The following SYT16 variants were observed in gnomAD, a reference collection of about 807,000 sequenced individuals.
SYT16 encodes the protein synaptotagmin 16, also known as synaptotagmin-16.
In SYT16, 42 loss-of-function variants were observed where a neutral mutation model predicts 61.4. The ratio of observed to expected loss-of-function variants is 0.68; its 90% CI spans 0.53 to 0.89. SYT16 has a LOEUF of 0.89. Among genes scored for constraint, SYT16 ranks in the 40% least tolerant of loss-of-function variants. SYT16 has a pLI of 0.00. For synonymous variants in SYT16, 314 were observed against 302.3 expected, an observed-to-expected ratio of 1.04 and a Z score of -0.40; for missense variants, 804 against 807.3, an observed-to-expected ratio of 1.00 and a Z score of 0.05.
intron 3 of SYT16, among the ~76,000 whole-genome samples, chr14:62,040,635 T>C (rs1308972250): frequency 2.0e-5 from 3 of 152,216 alleles, no homozygotes; most frequent in Admixed American, 6.5e-5. Context: ...TTAAGAAATA[T>C]TGTTTCACAG....
At chr14:61,947,462 G>A (rs1015479335) in intron 1 of SYT16, among the ~76,000 whole-genome samples, 1 of 152,150 alleles carries the variant, frequency 6.6e-6, no homozygotes, top group African/African-American at 2.4e-5. Context: ...GAGCAGCAGA[G>A]CCATGTGCTT....
intron 1 of SYT16, among the ~76,000 whole-genome samples, chr14:61,847,890 A>G (rs1229160845): frequency 6.6e-6 from 1 of 152,172 alleles, no homozygotes; most frequent in Non-Finnish European, 1.5e-5. Flanking sequence ...CAACTCCAGA[A>G]TTTCTGCTTG....
At chr14:62,044,025 T>C (rs2140860095) in intron 3 of SYT16, among the ~76,000 whole-genome samples, 1 of 152,180 alleles carries the variant, frequency 6.6e-6, no homozygotes, top group South Asian at 2.1e-4. Flanking sequence ...ATAACATAGA[T>C]TTGAATTGCA....
At chr14:62,047,479 C>T (rs2055047203) in intron 3 of SYT16, among the ~76,000 whole-genome samples, 1 of 152,176 alleles carries the variant, frequency 6.6e-6, no homozygotes. Context: ...CTTCTCCTGC[C>T]TGATTGCCCT....
At chr14:61,813,989 T>G (rs1001382085) in intron 1 of SYT16, among the ~76,000 whole-genome samples, 3 of 152,168 alleles carry the variant, frequency 2.0e-5, no homozygotes, top group Non-Finnish European at 4.4e-5. Flanking sequence ...CTCTCTAGAA[T>G]TCCCTAGCAG....
rs376295336 is a variant in SYT16, at chr14:61,996,437, A to G, written c.418A>G (p.Ile140Val). ...CAAGTTACCACATGTGCTTTCTTCT[A>G]TTGCGGAGGAAGAGCATCACCTTGA... ...DRKLPHVLSS[I>V]AEEEHHLEKQ... is the part of the protein sequence containing the mutation. Residue 140 changes from isoleucine (I) to valine (V), a missense_variant, in exon 3 of 8, where the codon ATT (isoleucine) becomes GTT (valine). Ile to Val is a conservative substitution (Grantham distance 29). Transcript: ENST00000683842. 19 of 1,613,314 alleles carry G rather than the reference A, an allele frequency of 1.2e-5. No homozygotes were observed. In the East Asian group the frequency reaches 4.2e-4, roughly 36 times the overall value.
chr14:61,960,032 A>G (rs56408247), intron 1 of SYT16, among the ~76,000 whole-genome samples: 25,059 of 152,086 alleles, frequency 0.16, 2,484 homozygotes, highest in South Asian at 0.3. Flanking sequence ...GGGTCTCTCC[A>G]TGTTGCTCAG....
rs2057509186 is a variant in SYT16 at position 62,106,155 on chromosome 14, C to T, written c.*5448C>T. 2 of 152,288 alleles carry T rather than the reference C, an allele frequency of 1.3e-5. No individual in the cohort carries two copies. The highest frequency in any genetic ancestry group is 4.1e-4 in the South Asian group (2 of 4,826). The allele number at this position is 152,288 out of a possible 1,614,324, so 9.4% of individuals were successfully genotyped here. On this transcript the variant is annotated 3_prime_UTR_variant, in exon 8 of 8. Coordinates refer to ENST00000683842, the MANE Select transcript of SYT16 (RefSeq NM_001367656.1). The stretch of plus-strand genomic sequence containing the variant: ...CATTAATTCAAAATGTATTCATTGT[C>T]TAGTACTATGCTATCTGGGCTGGCA...
At chr14:61,940,575 G>GATA (rs1226051986) in intron 1 of SYT16, among the ~76,000 whole-genome samples, 1 of 152,164 alleles carries the variant, frequency 6.6e-6, no homozygotes. Context: ...TCTGTTAAGT[G>GATA]ATAATAATAA....
intron 1 of SYT16, among the ~76,000 whole-genome samples, chr14:61,881,223 T>C (rs2140319178): frequency 6.6e-6 from 1 of 152,356 alleles, no homozygotes; most frequent in African/African-American, 2.4e-5. Context: ...CAAATGTGCT[T>C]TGCAGTCTTC....
chr14:61,975,482 A>G (rs1429453526), intron 2 of SYT16, among the ~76,000 whole-genome samples: 1 of 152,218 alleles, frequency 6.6e-6, no homozygotes, highest in African/African-American at 2.4e-5. Flanking sequence ...TAGAGGTCTC[A>G]GCAAACTTAA....
intron 5 of SYT16, 25 bp downstream of exon 5, chr14:62,075,416 T>C (rs888008666): frequency 1.3e-5 from 20 of 1,580,608 alleles, no homozygotes; most frequent in Admixed American, 1.2e-4. Flanking sequence ...TTTCATTCTT[T>C]CATTGGTTCC....
chr14:61,919,151 A>T (rs1425693366), intron 1 of SYT16, among the ~76,000 whole-genome samples: 3 of 152,170 alleles, frequency 2.0e-5, no homozygotes, highest in Admixed American at 6.5e-5. Flanking sequence ...TAGACCTGAT[A>T]AAAATGTGAT....
intron 1 of SYT16, among the ~76,000 whole-genome samples, chr14:61,900,399 C>T (rs1159518782): frequency 6.6e-6 from 1 of 152,154 alleles, no homozygotes; most frequent in Non-Finnish European, 1.5e-5. Flanking sequence ...CTCAGGTGAT[C>T]CACCCACCTC....
intron 1 of SYT16, among the ~76,000 whole-genome samples, chr14:61,930,929 G>T (rs1023414542): frequency 2.6e-5 from 4 of 152,106 alleles, no homozygotes; most frequent in Admixed American, 2.6e-4. Flanking sequence ...ATGGAATGCC[G>T]CCCTCCTCAC....
At chr14:62,084,043 G>T (rs1429349748) in intron 6 of SYT16, among the ~76,000 whole-genome samples, 153 bp from the exon 7 acceptor site, 1 of 152,202 alleles carries the variant, frequency 6.6e-6, no homozygotes, top group East Asian at 1.9e-4. Context: ...TGTGCTCCCT[G>T]GGCCCATTGT....
chr14:62,104,746 ACT>A lies in SYT16; in HGVS notation c.*4042_*4043del, dbSNP rs894677038. On this transcript the variant is annotated 3_prime_UTR_variant, in exon 8 of 8. Transcript: ENST00000683842. ...TGATCCTGGCCTGGGTTTACATGAA[ACT>A]CTGCTGTGTGGCCTTAAGAAAATTA... is the stretch of plus-strand genomic sequence containing the variant. 6.6e-6 allele frequency: 1 copy of A among 152,064 alleles called. No homozygotes were observed. Among genetic ancestry groups the A allele is most frequent in the African/African-American group, 2.4e-5 (1 of 41,396 alleles). The allele number at this position is 152,064 out of a possible 1,614,324, so 9.4% of individuals were successfully genotyped here.
chr14:62,018,329 G>T (rs1161774611), intron 3 of SYT16, among the ~76,000 whole-genome samples: 3 of 44,480 alleles, frequency 6.7e-5, no homozygotes, highest in Non-Finnish European at 9.4e-5. Flanking sequence ...TTTTTTTTGA[G>T]ACTGTCTCGC....
intron 1 of SYT16, among the ~76,000 whole-genome samples, chr14:61,826,112 G>A (rs547622063): frequency 3.3e-5 from 5 of 150,110 alleles, no homozygotes; most frequent in South Asian, 4.2e-4. Context: ...ACTTATTCCC[G>A]TTCAGGGTTG....
Sources: gnomAD v4.1 joint callset for allele counts (sites outside exome capture counted in the v4.1 genomes callset) on GRCh38, gnomAD v4.1.1 for gene constraint, MANE v1.5 for transcripts, NCBI Gene and HGNC (gene_info 2026-07-23, HGNC 2026-07-21) for gene names.